The following FCRL3 variants were observed in gnomAD, a reference collection of about 807,000 sequenced individuals.
FCRL3 encodes Fc receptor like 3, also known as Fc receptor-like protein 3.
A neutral mutation model predicts 75.0 loss-of-function variants in FCRL3; 89 were observed. The ratio of observed to expected loss-of-function variants is 1.19; its 90% confidence interval spans 1.00 to 1.42. FCRL3 has a LOEUF of 1.42. Ranked by LOEUF, FCRL3 falls within the 40% of genes most tolerant of loss-of-function variation. The probability of loss-of-function intolerance (pLI) is 0.00; values close to 1 mark genes in which losing one functional copy is unlikely to be tolerated. For synonymous variants in FCRL3, 376 were observed against 348.5 expected, an observed-to-expected ratio of 1.08 and a Z score of -0.88; for missense variants, 946 against 880.0, an observed-to-expected ratio of 1.07 and a Z score of -0.95.
rs1472751290 is a variant in FCRL3, at chr1:157,679,828, CACAA to C, written c.2027-859_2027-856del. On this transcript the variant is annotated intron_variant, in intron 13 of 14. Coordinates refer to ENST00000368184, the MANE Select transcript of FCRL3 (RefSeq NM_052939.4). ...TGGGCGACAGAACGAGACCCCATCT[CACAA>C]AAAAAAAAAAAAAAAAAAAAAAAAA... Among the ~76,000 whole-genome samples the C allele has an allele frequency of 1.4e-3, 40 of 27,922 alleles. 1 individual carries two copies. The highest frequency in any genetic ancestry group is 0.012 in the Admixed American group (17 of 1,418). The allele number at this position is 27,922 out of a possible 152,430, so 18.3% of individuals were successfully genotyped here.
At chr1:157,695,724 C>T in intron 7 of FCRL3, 117 bp from the exon 8 acceptor site, 2 of 1,209,310 alleles carry the variant, frequency 1.7e-6, no homozygotes, top group South Asian at 1.6e-5. Context: ...TGTTTCCCCA[C>T]TGATCACATT....
intron 6 of FCRL3, 97 bp from the exon 7 acceptor site, chr1:157,696,424 G>T: frequency 1.5e-6 from 2 of 1,340,940 alleles, no homozygotes; most frequent in Non-Finnish European, 2.1e-6. Flanking sequence ...AATAGCAGCA[G>T]GTGCAGCAGG....
chr1:157,686,509 G>A (rs2101600243), intron 10 of FCRL3, among the ~76,000 whole-genome samples: 1 of 152,270 alleles, frequency 6.6e-6, no homozygotes, highest in East Asian at 1.9e-4. Flanking sequence ...CAGCAAAGCT[G>A]AAGGCATCAC....
At chr1:157,692,985 A>G (rs537730048) in intron 8 of FCRL3, among the ~76,000 whole-genome samples, 11 of 152,252 alleles carry the variant, frequency 7.2e-5, no homozygotes, top group African/African-American at 2.6e-4. Flanking sequence ...TAGAAATTCA[A>G]CATGCAGTGG....
Position 157,676,664 on chromosome 1 carries a change from G to T in FCRL3, c.*2046C>A. 1 of 1,499,512 alleles carries T rather than the reference G, an allele frequency of 6.7e-7. No homozygotes were observed. Among genetic ancestry groups the T allele is most frequent in the Non-Finnish European group, 9.1e-7 (1 of 1,100,852 alleles). The allele number at this position is 1,499,512 out of a possible 1,614,324, so 92.9% of individuals were successfully genotyped here. ...ACATTTGTTATATCCGAGATGTACA[G>T]TTAGGACTCACCCCTTCTTCCACTC... On this transcript the variant is annotated 3_prime_UTR_variant, in exon 15 of 15. Transcript: ENST00000368184.
chr1:157,698,537 G>A lies in FCRL3; in HGVS notation c.145C>T (p.His49Tyr). 1 of 1,614,160 alleles carries A rather than the reference G, an allele frequency of 6.2e-7. No individual in the cohort carries two copies. The change falls in exon 4 of 15, where the codon CAT (histidine) becomes TAT (tyrosine). Residue 49 changes from histidine to tyrosine, a missense_variant. Coordinates refer to ENST00000368184, the MANE Select transcript of FCRL3 (RefSeq NM_052939.4). ...TATGTGTCTCCCTGGGCTAGGGAATGTGATATGCTGCTGCATATGAGAGCC... is the reference window on the plus strand; with the variant it reads ...TATGTGTCTCCCTGGGCTAGGGAATATGATATGCTGCTGCATATGAGAGCC... ...KVALICSSIS[H>Y]SLAQGDTYWY...
At position 157,700,460 on chromosome 1, in the gene FCRL3, CA is replaced by C; in HGVS notation, c.29del (p.Leu10ArgfsTer42). On this transcript the variant is annotated frameshift_variant and splice_region_variant, in exon 2 of 15. Coordinates refer to ENST00000368184, the MANE Select transcript of FCRL3 (RefSeq NM_052939.4). LOFTEE classifies it high-confidence loss of function. MLLWLLLLI[L>X]TPGREQSGVA... ...CCCCATTATAGCCCATCTACTCACTCAGGATCAGCAGCAGCAGCCACAGAAG... is the reference window on the plus strand; with the variant it reads ...CCCCATTATAGCCCATCTACTCACTCGGATCAGCAGCAGCAGCCACAGAAG... 6.2e-7 allele frequency: 1 copy of C among 1,613,962 alleles called. No homozygotes were observed. The highest frequency in any genetic ancestry group is 8.5e-7 in the Non-Finnish European group (1 of 1,179,956).
intron 11 of FCRL3, among the ~76,000 whole-genome samples, chr1:157,682,071 C>T (rs1388113165): frequency 4.6e-5 from 7 of 152,022 alleles, no homozygotes; most frequent in Admixed American, 1.3e-4. Flanking sequence ...ATATCCTTTG[C>T]CCACTTTTTG....
Position 157,677,670 on chromosome 1 carries a change from T to A in FCRL3, c.*1040A>T. 1 of 891,080 alleles carries A rather than the reference T, an allele frequency of 1.1e-6. No individual in the cohort carries two copies. Among genetic ancestry groups the A allele is most frequent in the Non-Finnish European group, 1.3e-6 (1 of 744,270 alleles). 55.2% of individuals were successfully genotyped at this position (891,080 alleles called of 1,614,324 possible). The stretch of plus-strand genomic sequence containing the variant: ...TAAACAGCAATAAAAACAAATGAAC[T>A]ATAGCAACACGCAACAATATGGATG... On this transcript the variant is annotated 3_prime_UTR_variant, in exon 15 of 15. Transcript: ENST00000368184.
rs370588998 is a variant in FCRL3 at position 157,695,400 on chromosome 1, C to T, written c.1340G>A (p.Gly447Glu). ...FNLSLTAEHS[G>E]NYSCDADNGL... Reference sequence around the variant, plus strand: ...ATTGTCTGCATCACAGGAGTAGTTTCCAGAATGTTCTGCAGTCAGAGAGAG... The same window carrying T: ...ATTGTCTGCATCACAGGAGTAGTTTTCAGAATGTTCTGCAGTCAGAGAGAG... Residue 447 changes from glycine (G) to glutamate (E), a missense_variant, in exon 8 of 15, where the codon GGA becomes GAA. Gly to Glu is a moderately conservative substitution (Grantham distance 98). Coordinates refer to ENST00000368184, the MANE Select transcript of FCRL3 (RefSeq NM_052939.4). The T allele has an allele frequency of 8.7e-6, 14 of 1,614,230 alleles. No individual in the cohort carries two copies. In the African/African-American group the frequency reaches 1.7e-4, roughly 20 times the overall value.
At chr1:157,680,411 T>C (rs1230593726) in intron 13 of FCRL3, among the ~76,000 whole-genome samples, 1 of 152,252 alleles carries the variant, frequency 6.6e-6, no homozygotes, top group Admixed American at 6.5e-5. Context: ...GATTATTCAC[T>C]CATTAATTCA....
intron 9 of FCRL3, 73 bp downstream of exon 9, chr1:157,690,182 A>G: frequency 6.4e-7 from 1 of 1,562,294 alleles, no homozygotes; most frequent in South Asian, 1.2e-5. Context: ...TGCTAGTAGA[A>G]TTTGTACAAT....
chr1:157,676,653 C>A lies in FCRL3; in HGVS notation c.*2057G>T, dbSNP rs112272202. The A allele has an allele frequency of 2.1e-6, 3 of 1,445,334 alleles. No homozygotes were observed. The highest frequency in any genetic ancestry group is 2.5e-5 in the South Asian group (2 of 81,024). 89.5% of individuals were successfully genotyped at this position (1,445,334 alleles called of 1,614,324 possible). On this transcript the variant is annotated 3_prime_UTR_variant, in exon 15 of 15. Coordinates refer to ENST00000368184, the MANE Select transcript of FCRL3 (RefSeq NM_052939.4). ...TCAGAATTTGCACATTTGTTATATCCGAGATGTACAGTTAGGACTCACCCC... is the reference window on the plus strand; with the variant it reads ...TCAGAATTTGCACATTTGTTATATCAGAGATGTACAGTTAGGACTCACCCC...
Position 157,696,041 on chromosome 1 carries a change from T to C in FCRL3, c.1131A>G (p.Arg377=), listed in dbSNP as rs1223857073. Residue 377 remains arginine, a splice_region_variant and synonymous_variant, in exon 7 of 15, where the codon AGA becomes AGG. Transcript: ENST00000368184. ...ILSTWIRVTV[R]IPVSHPVLTF... Reference sequence around the variant, plus strand: ...TGTGTGAAAGGAATCGGAACTTACTTCTCACGGTGACTCGAATCCACGTGC... The same window carrying C: ...TGTGTGAAAGGAATCGGAACTTACTCCTCACGGTGACTCGAATCCACGTGC... 1 of 1,607,200 alleles carries C rather than the reference T, an allele frequency of 6.2e-7. No homozygotes were observed. The highest frequency in any genetic ancestry group is 1.1e-5 in the South Asian group (1 of 90,848).
At chr1:157,682,420 A>G (rs1033635998) in intron 11 of FCRL3, among the ~76,000 whole-genome samples, 4 of 152,242 alleles carry the variant, frequency 2.6e-5, no homozygotes, top group East Asian at 3.9e-4. Context: ...TAATTTTTGT[A>G]TAAGGTGTAA....
chr1:157,688,878 C>T (rs977975713), intron 10 of FCRL3, among the ~76,000 whole-genome samples: 11 of 152,092 alleles, frequency 7.2e-5, no homozygotes, highest in Non-Finnish European at 1.5e-4. Flanking sequence ...AAGGCTACTT[C>T]GACATTCAAA....
At position 157,697,757 on chromosome 1, in the gene FCRL3, A is replaced by T. The variant is rs1208158231; in HGVS notation, c.461T>A (p.Val154Asp). ...YNLEKITVNS[V>D]SRDNSKYHCT... ...ATGATATTTGCTATTATCCCTGGAG[A>T]CTGAATTCACTGTGATCTTCTCTAA... Residue 154 changes from valine to aspartate, a missense_variant, in exon 5 of 15, where the codon GTC becomes GAC. Val to Asp is a radical substitution (Grantham distance 152). Transcript: ENST00000368184. 1 of 1,614,076 alleles carries T rather than the reference A, an allele frequency of 6.2e-7. No homozygotes were observed. Among genetic ancestry groups the T allele is most frequent in the African/African-American group, 1.3e-5 (1 of 75,042 alleles).
rs1188203146 is a variant in FCRL3, at chr1:157,698,503, T to C, written c.179A>G (p.His60Arg). The C allele has an allele frequency of 6.2e-7, 1 of 1,614,252 alleles. No individual in the cohort carries two copies. Among genetic ancestry groups the C allele is most frequent in the Non-Finnish European group, 8.5e-7 (1 of 1,180,036 alleles). The change falls in exon 4 of 15, where the codon CAC becomes CGC. Residue 60 changes from histidine to arginine, a missense_variant. By Grantham distance (29) the His-to-Arg change is conservative (BLOSUM62 0). Coordinates refer to ENST00000368184, the MANE Select transcript of FCRL3 (RefSeq NM_052939.4). ...TTTTATTTTCAACAACTTCTCATCG[T>C]GATACCAATATGTGTCTCCCTGGGC... ...SLAQGDTYWYHDEKLLKIKHD... is the reference protein window; with the variant it reads ...SLAQGDTYWYRDEKLLKIKHD...
chr1:157,678,322 T>G lies in FCRL3; in HGVS notation c.*388A>C. ...CACACAAAAAAGGGAAACAAAATAT[T>G]TGGAGCAAATTGTTTATACAGAGAG... On this transcript the variant is annotated 3_prime_UTR_variant, in exon 15 of 15. Transcript: ENST00000368184. The G allele has an allele frequency of 2.0e-6, 2 of 1,015,326 alleles. No homozygotes were observed. The highest frequency in any genetic ancestry group is 2.4e-6 in the Non-Finnish European group (2 of 848,558). The allele number at this position is 1,015,326 out of a possible 1,614,324, so 62.9% of individuals were successfully genotyped here. A position where few individuals can be genotyped will look rare whatever the true frequency, so the allele number is the denominator to read the frequency against.
Sources: gnomAD v4.1 joint callset for allele counts (sites outside exome capture counted in the v4.1 genomes callset) on GRCh38, gnomAD v4.1.1 for gene constraint, MANE v1.5 for transcripts, NCBI Gene and HGNC (gene_info 2026-07-23, HGNC 2026-07-21) for gene names.